Variants in AGAP1 observed in about 807,000 individuals in gnomAD.
AGAP1 encodes the protein arf-GAP with GTPase, ANK repeat and PH domain-containing protein 1.
AGAP1 carries 29 observed loss-of-function variants against 105.3 expected under a neutral mutation model. The observed-to-expected ratio is 0.28, with a 90% CI of 0.21 to 0.38. The LOEUF (loss-of-function observed/expected upper bound fraction) is 0.38. Among genes scored for constraint, AGAP1 ranks in the 10% least tolerant of loss-of-function variants. AGAP1 has a pLI of 1.00. For synonymous variants in AGAP1, 509 were observed against 485.9 expected (o/e 1.05, Z -0.63); for missense variants, 998 against 1,165.1 (o/e 0.86, Z 2.09).
Position 235,970,201 on chromosome 2 carries a change from G to A in AGAP1, c.1645+1578G>A, listed in dbSNP as rs1360782279. On this transcript the variant is annotated intron_variant, in intron 13 of 17. Coordinates refer to ENST00000304032, the MANE Select transcript of AGAP1 (RefSeq NM_001037131.3). The surrounding 1 kb of genome is among the most constrained non-coding windows in gnomAD (Gnocchi z 5.4). ...TGGGCGGGCGACAGAGTGAGACTCTGTCTTTAAAAAAAAAAAAAAAAAAAA... is the reference window on the plus strand; with the variant it reads ...TGGGCGGGCGACAGAGTGAGACTCTATCTTTAAAAAAAAAAAAAAAAAAAA... 3.0e-5 allele frequency among the ~76,000 whole-genome samples: 3 copies of A among 99,186 alleles called. No homozygotes were observed. The highest frequency in any genetic ancestry group is 5.9e-5 in the Non-Finnish European group (3 of 51,030). The allele number at this position is 99,186 out of a possible 152,430, so 65.1% of individuals were successfully genotyped here. A position where few individuals can be genotyped will look rare whatever the true frequency, so the allele number is the denominator to read the frequency against.
At position 235,625,002 on chromosome 2, in the gene AGAP1, T is replaced by C. The variant is rs1423318420; in HGVS notation, c.164-84177T>C. Reference sequence around the variant, plus strand: ...GAGGCCTCACCAAAACAGATGCTGATGCCATGCTTTCTATACACTCTGCAG... The same window carrying C: ...GAGGCCTCACCAAAACAGATGCTGACGCCATGCTTTCTATACACTCTGCAG... On this transcript the variant is annotated intron_variant, in intron 1 of 17. Coordinates refer to ENST00000304032, the MANE Select transcript of AGAP1 (RefSeq NM_001037131.3). The surrounding 1 kb of genome is among the most constrained non-coding windows in gnomAD (Gnocchi z 4.0). Among the ~76,000 whole-genome samples the C allele has an allele frequency of 6.6e-6, 1 of 152,222 alleles. No individual in the cohort carries two copies. Among genetic ancestry groups the C allele is most frequent in the Admixed American group, 6.5e-5 (1 of 15,280 alleles).
chr2:235,834,088 C>T (rs977619692), intron 9 of AGAP1, among the ~76,000 whole-genome samples: 1 of 152,090 alleles, frequency 6.6e-6, no homozygotes, highest in African/African-American at 2.4e-5. Context: ...TCTATGCAGT[C>T]CACGGGCACA....
At chr2:235,954,102 G>A (rs1286156788) in intron 12 of AGAP1, among the ~76,000 whole-genome samples, 1 of 151,920 alleles carries the variant, frequency 6.6e-6, no homozygotes, top group Admixed American at 6.6e-5. Context: ...AGCCAGGCGT[G>A]GTGGCACATG....
Position 235,543,103 on chromosome 2 carries a change from C to A in AGAP1, c.163+48254C>A, listed in dbSNP as rs1295093560. 2.9e-5 allele frequency among the ~76,000 whole-genome samples: 4 copies of A among 136,560 alleles called. No individual in the cohort carries two copies. In the South Asian group the frequency reaches 8.0e-4, roughly 27 times the overall value. The allele number at this position is 136,560 out of a possible 152,430, so 89.6% of individuals were successfully genotyped here. A position where few individuals can be genotyped will look rare whatever the true frequency, so the allele number is the denominator to read the frequency against. On this transcript the variant is annotated intron_variant, in intron 1 of 17. Coordinates refer to ENST00000304032, the MANE Select transcript of AGAP1 (RefSeq NM_001037131.3). ...TGCTCCCGCCTCCTCCCCCTCCCCC[C>A]CCCCCGCCCCCTGCCCCTCGTTGGG...
chr2:235,941,930 A>G (rs2053278252), intron 12 of AGAP1, among the ~76,000 whole-genome samples: 1 of 152,162 alleles, frequency 6.6e-6, no homozygotes, highest in Admixed American at 6.5e-5. Context: ...AAGAGTGAGG[A>G]AAAGCATTCT....
chr2:235,969,633 T>A (rs1277010239), intron 13 of AGAP1, among the ~76,000 whole-genome samples: 1 of 152,120 alleles, frequency 6.6e-6, no homozygotes, highest in East Asian at 1.9e-4. Flanking sequence ...GTGGCTACAT[T>A]AGAGGGAGTG....
In AGAP1 at chr2:235,625,713, T is replaced by A. The variant is rs1189048350; in HGVS notation, c.164-83466T>A. The stretch of plus-strand genomic sequence containing the variant: ...ATTCAGCTGGGGGAAAATAGTCGTC[T>A]GAAATATATTATGGTTTGTTTGTAG... On this transcript the variant is annotated intron_variant, in intron 1 of 17. Transcript: ENST00000304032. The surrounding 1 kb of genome is among the most constrained non-coding windows in gnomAD (Gnocchi z 4.0). Among the ~76,000 whole-genome samples, 2 of 152,240 alleles carry A rather than the reference T, an allele frequency of 1.3e-5. No individual in the cohort carries two copies. Among genetic ancestry groups the A allele is most frequent in the African/African-American group, 4.8e-5 (2 of 41,470 alleles).
rs1952569124 is a variant in AGAP1 at position 235,741,315 on chromosome 2, C to G, written c.396+267C>G. Among the ~76,000 whole-genome samples the G allele has an allele frequency of 6.6e-6, 1 of 152,330 alleles. No individual in the cohort carries two copies. Among genetic ancestry groups the G allele is most frequent in the East Asian group, 1.9e-4 (1 of 5,196 alleles). ...TTTAAAAAGGCAGGAAACGCACACT[C>G]TGCCCTGGTTGGGGAGCCCAGTTGA... is the stretch of plus-strand genomic sequence containing the variant. On this transcript the variant is annotated intron_variant, in intron 4 of 17. Coordinates refer to ENST00000304032, the MANE Select transcript of AGAP1 (RefSeq NM_001037131.3). This position sits in a 1 kb window ranked among gnomAD's most constrained non-coding sequence, Gnocchi z 4.9.
rs963824538 is a variant in AGAP1 at position 236,121,723 on chromosome 2, A to G, written c.2370+1276A>G. Among the ~76,000 whole-genome samples, 4 of 152,234 alleles carry G rather than the reference A, an allele frequency of 2.6e-5. No individual in the cohort carries two copies. The highest frequency in any genetic ancestry group is 6.5e-5 in the Admixed American group (1 of 15,286). On this transcript the variant is annotated intron_variant, in intron 17 of 17. Coordinates refer to ENST00000304032, the MANE Select transcript of AGAP1 (RefSeq NM_001037131.3). This position sits in a 1 kb window ranked among gnomAD's most constrained non-coding sequence, Gnocchi z 4.9. ...TGTGATGTAATGCACATTAAATAAGAGTTGTGTGTAGTGTGCTAGGGCTGC... is the reference window on the plus strand; with the variant it reads ...TGTGATGTAATGCACATTAAATAAGGGTTGTGTGTAGTGTGCTAGGGCTGC...
At chr2:236,118,799 T>A (rs2059833120) in intron 16 of AGAP1, among the ~76,000 whole-genome samples, 1 of 152,136 alleles carries the variant, frequency 6.6e-6, no homozygotes, top group Admixed American at 6.5e-5. Flanking sequence ...AATCTCACAC[T>A]GTTCTTTGTA....
At chr2:235,570,651 G>T (rs566013086) in intron 1 of AGAP1, among the ~76,000 whole-genome samples, 9 of 152,186 alleles carry the variant, frequency 5.9e-5, no homozygotes, top group Non-Finnish European at 1.2e-4. Flanking sequence ...CGGCATTAGA[G>T]ACTAGTTTTT....
At position 236,078,208 on chromosome 2, in the gene AGAP1, G is replaced by A. The variant is rs562676554; in HGVS notation, c.2114+28927G>A. Among the ~76,000 whole-genome samples the A allele has an allele frequency of 8.5e-5, 13 of 152,128 alleles. No homozygotes were observed. Among genetic ancestry groups the A allele is most frequent in the African/African-American group, 1.7e-4 (7 of 41,506 alleles). On this transcript the variant is annotated intron_variant, in intron 16 of 17. Transcript: ENST00000304032. This position sits in a 1 kb window ranked among gnomAD's most constrained non-coding sequence, Gnocchi z 5.3. ...TGTGTGTGTGTCACATCTGAAGTGT[G>A]TAGTGCAGGCCGGCGTTCTGGAAAC...
intron 1 of AGAP1, chr2:235,524,626 A>T (rs1267297868): frequency 5.7e-6 from 1 of 175,576 alleles, no homozygotes; most frequent in African/African-American, 2.4e-5. Flanking sequence ...GTAGGAAAAC[A>T]TGCTTACCGC....
At position 235,962,318 on chromosome 2, in the gene AGAP1, G is replaced by A. The variant is rs1344035213; in HGVS notation, c.1484-6144G>A. ...CCCTGGCCCATGACGGTGCTGAGCA[G>A]GTGGAGGGCTGGAAGTCAGTGAAGT... On this transcript the variant is annotated intron_variant, in intron 12 of 17. Transcript: ENST00000304032. The surrounding 1 kb of genome is among the most constrained non-coding windows in gnomAD (Gnocchi z 5.3). 6.6e-6 allele frequency among the ~76,000 whole-genome samples: 1 copy of A among 152,138 alleles called. No homozygotes were observed.
intron 9 of AGAP1, among the ~76,000 whole-genome samples, chr2:235,829,812 G>C (rs73998949): frequency 0.014 from 2,138 of 152,256 alleles, 55 homozygotes; most frequent in African/African-American, 0.049. Context: ...ACAGGAGGCT[G>C]CTTGGCCCTG....
In AGAP1 at chr2:235,875,271, A is replaced by G. The variant is rs1363510859; in HGVS notation, c.1051-8074A>G. Among the ~76,000 whole-genome samples the G allele has an allele frequency of 1.3e-5, 2 of 152,210 alleles. No individual in the cohort carries two copies. The highest frequency in any genetic ancestry group is 2.9e-5 in the Non-Finnish European group (2 of 68,042). ...CCTTTTAGAATTCCTGGGACTAACAACAATTGTAATAAAATCGATGGTATT... is the reference window on the plus strand; with the variant it reads ...CCTTTTAGAATTCCTGGGACTAACAGCAATTGTAATAAAATCGATGGTATT... On this transcript the variant is annotated intron_variant, in intron 9 of 17. Transcript: ENST00000304032. This position sits in a 1 kb window ranked among gnomAD's most constrained non-coding sequence, Gnocchi z 4.0.
chr2:235,562,186 C>G (rs1234238809), intron 1 of AGAP1, among the ~76,000 whole-genome samples: 2 of 152,118 alleles, frequency 1.3e-5, no homozygotes, highest in Non-Finnish European at 2.9e-5. Flanking sequence ...TCCTTGATTC[C>G]TCTGTTACAT....
intron 11 of AGAP1, among the ~76,000 whole-genome samples, chr2:235,910,450 T>C (rs2051548517): frequency 1.3e-5 from 2 of 152,220 alleles, no homozygotes; most frequent in South Asian, 4.1e-4. Flanking sequence ...TTCTATGACC[T>C]GCTGACCTTT....
Position 236,076,601 on chromosome 2 carries a change from A to G in AGAP1, c.2114+27320A>G, listed in dbSNP as rs1215822695. Among the ~76,000 whole-genome samples, 1 of 152,178 alleles carries G rather than the reference A, an allele frequency of 6.6e-6. No individual in the cohort carries two copies. The highest frequency in any genetic ancestry group is 1.5e-5 in the Non-Finnish European group (1 of 68,028). ...ATACTCCTAGAAATTTTAATCTCAG[A>G]GAATGATGATAGATGTTTCTGGAAA... is the stretch of plus-strand genomic sequence containing the variant. On this transcript the variant is annotated intron_variant, in intron 16 of 17. Coordinates refer to ENST00000304032, the MANE Select transcript of AGAP1 (RefSeq NM_001037131.3). The surrounding 1 kb of genome is among the most constrained non-coding windows in gnomAD (Gnocchi z 4.4).
Sources: allele counts gnomAD v4.1 joint callset (sites outside exome capture counted in the v4.1 genomes callset), GRCh38; gene constraint gnomAD v4.1.1; non-coding constraint Gnocchi (gnomAD v3.1); transcripts MANE v1.5; gene names NCBI Gene and HGNC (gene_info 2026-07-23, HGNC 2026-07-21).